SUN1: variants seen among roughly 807,000 people sequenced by gnomAD.
SUN1 encodes Sad1 and UNC84 domain containing 1, also known as SUN domain-containing protein 1.
Under a neutral mutation model 103.2 loss-of-function variants are expected in SUN1, and 61 were observed. The ratio of observed to expected loss-of-function variants is 0.59; its 90% CI spans 0.48 to 0.73. SUN1 has a LOEUF of 0.73. Among genes scored for constraint, SUN1 ranks in the 30% least tolerant of loss-of-function variants. The probability of loss-of-function intolerance (pLI) is 0.00; values close to 1 mark genes in which losing one functional copy is unlikely to be tolerated. For synonymous variants in SUN1, 490 were observed against 425.7 expected (o/e 1.15, Z -1.86); for missense variants, 1,052 against 1,034.6 (o/e 1.02, Z -0.23).
chr7:832,148 G>A (rs1584234749), upstream of SUN1: 3 of 939,014 alleles, frequency 3.2e-6, no homozygotes, highest in Non-Finnish European at 2.6e-6. Flanking sequence ...TCAGAAGACC[G>A]AGAACATTTT....
intron 14 of SUN1, among the ~76,000 whole-genome samples, chr7:860,826 T>C (rs1831614841): frequency 6.6e-6 from 1 of 152,158 alleles, no homozygotes; most frequent in African/African-American, 2.4e-5. Flanking sequence ...AGTCGTGTCT[T>C]ATATGGCAGC....
intron 5 of SUN1, among the ~76,000 whole-genome samples, chr7:845,014 A>T (rs2128315824): frequency 6.6e-6 from 1 of 152,352 alleles, no homozygotes; most frequent in South Asian, 2.1e-4. Flanking sequence ...TGCCATTGAT[A>T]GGTTGAACAT....
chr7:859,163 A>G (rs1003436255), intron 13 of SUN1, among the ~76,000 whole-genome samples: 11 of 152,000 alleles, frequency 7.2e-5, no homozygotes, highest in African/African-American at 2.4e-4. Flanking sequence ...AAAAAAAAAA[A>G]AAAAAGAAAA....
At chr7:860,720 G>GT (rs1831503609) in intron 14 of SUN1, among the ~76,000 whole-genome samples, 1 of 152,214 alleles carries the variant, frequency 6.6e-6, no homozygotes, top group African/African-American at 2.4e-5. Context: ...GTATTAGTCT[G>GT]TTCTCATGCT....
upstream of SUN1, chr7:832,423 G>A: frequency 8.6e-7 from 1 of 1,167,396 alleles, no homozygotes; most frequent in Non-Finnish European, 1.3e-6. Context: ...TTGCGTGTAG[G>A]CAGCTCAGGT....
At position 853,447 on chromosome 7, in the gene SUN1, C is replaced by T. The variant is rs777887455; in HGVS notation, c.1092C>T (p.Gly364=). The change falls in exon 10 of 19, where the codon GGC becomes GGT. Residue 364 remains glycine (G), a synonymous_variant. Transcript: ENST00000401592. The part of the protein sequence containing the change: ...SEAFPWHWMS[G]VEQQVASLSG... ...CTTTTCCGTGGCATTGGATGAGTGG[C>T]GTGGAGCAGCAGGTGGCCTCTCTGT... 12 of 1,613,842 alleles carry T rather than the reference C, an allele frequency of 7.4e-6. No individual in the cohort carries two copies. The East Asian group carries it at 1.3e-4, about 18-fold the overall frequency.
intron 5 of SUN1, 91 bp downstream of exon 5, chr7:843,611 C>T (rs755736380): frequency 6.2e-7 from 1 of 1,607,548 alleles, no homozygotes; most frequent in Admixed American, 1.7e-5. Context: ...CACTATTTGT[C>T]TTGGAGACTT....
intron 1 of SUN1, among the ~76,000 whole-genome samples, chr7:827,230 C>T (rs1453032334): frequency 6.6e-6 from 1 of 151,816 alleles, no homozygotes; most frequent in Non-Finnish European, 1.5e-5. Flanking sequence ...CCATATTGGC[C>T]AGGCTGGTCT....
chr7:853,466 T>C lies in SUN1; in HGVS notation c.1111T>C (p.Ser371Pro). 1.2e-6 allele frequency: 2 copies of C among 1,614,042 alleles called. No individual in the cohort carries two copies. The highest frequency in any genetic ancestry group is 1.7e-6 in the Non-Finnish European group (2 of 1,180,036). ...GAGTGGCGTGGAGCAGCAGGTGGCC[T>C]CTCTGTCTGGACAGTGCCACCACCA... ...WMSGVEQQVA[S>P]LSGQCHHHGE... Residue 371 changes from serine (S) to proline (P), a missense_variant, in exon 10 of 19, where the codon TCT becomes CCT. Transcript: ENST00000401592.
chr7:858,523 C>T (rs1009082400), intron 13 of SUN1, among the ~76,000 whole-genome samples: 7 of 152,334 alleles, frequency 4.6e-5, no homozygotes, highest in South Asian at 4.1e-4. Flanking sequence ...CCTTGGTATG[C>T]GTCCTTGGTG....
intron 1 of SUN1, among the ~76,000 whole-genome samples, chr7:821,564 T>A (rs550145427): frequency 6.6e-6 from 1 of 152,332 alleles, no homozygotes; most frequent in East Asian, 1.9e-4. Flanking sequence ...GGTCTCCTAG[T>A]CTGCTTTATA....
Position 861,293 on chromosome 7 carries a change from GTGTC to G in SUN1, c.1780-84_1780-81del, listed in dbSNP as rs528303398. 2.4e-4 allele frequency: 318 copies of G among 1,303,034 alleles called. No individual in the cohort carries two copies. In the Middle Eastern group the frequency reaches 6.9e-3, roughly 28 times the overall value. 80.7% of individuals were successfully genotyped at this position (1,303,034 alleles called of 1,614,324 possible). A position where few individuals can be genotyped will look rare whatever the true frequency, so the allele number is the denominator to read the frequency against. On this transcript the variant is annotated intron_variant, in intron 14 of 18. Coordinates refer to ENST00000401592, the MANE Select transcript of SUN1 (RefSeq NM_001130965.3). Reference sequence around the variant, plus strand: ...CCGTTGAGAAGATGCTCTAATGTAAGTGTCTGGTCCTCATCCATGGCACTAAAAC... The same window carrying G: ...CCGTTGAGAAGATGCTCTAATGTAAGTGGTCCTCATCCATGGCACTAAAAC...
intron 5 of SUN1, among the ~76,000 whole-genome samples, chr7:844,238 C>T (rs1010865995): frequency 6.6e-6 from 1 of 152,210 alleles, no homozygotes; most frequent in African/African-American, 2.4e-5. Context: ...CTGCCTGGCC[C>T]AGGATCTCTC....
chr7:858,100 G>C (rs540512140), intron 13 of SUN1, 143 bp downstream of exon 13: 1 of 1,055,794 alleles, frequency 9.5e-7, no homozygotes, highest in African/African-American at 1.6e-5. Flanking sequence ...ACGCAGGCTA[G>C]ACTGCAGTGG....
intron 1 of SUN1, among the ~76,000 whole-genome samples, chr7:818,330 G>A (rs574951403): frequency 4.6e-5 from 7 of 152,308 alleles, no homozygotes; most frequent in African/African-American, 1.2e-4. Flanking sequence ...TTAAGATAAT[G>A]TCTTCAGAGT....
At chr7:823,894 G>T (rs1788807638) in intron 1 of SUN1, among the ~76,000 whole-genome samples, 1 of 152,184 alleles carries the variant, frequency 6.6e-6, no homozygotes, top group Non-Finnish European at 1.5e-5. Flanking sequence ...TGCCCAACAG[G>T]AAATAAAACG....
At chr7:858,642 A>G (rs1829700489) in intron 13 of SUN1, among the ~76,000 whole-genome samples, 1 of 151,864 alleles carries the variant, frequency 6.6e-6, no homozygotes, top group African/African-American at 2.4e-5. Flanking sequence ...GTGTCGAAAC[A>G]TATCATAGAC....
chr7:868,374 G>T, intron 16 of SUN1: 2 of 256,822 alleles, frequency 7.8e-6, no homozygotes, highest in Non-Finnish European at 1.5e-5. Flanking sequence ...AGATGTGTGC[G>T]CAGCAGGCCG....
At chr7:825,821 T>C (rs1364359409) in intron 1 of SUN1, among the ~76,000 whole-genome samples, 1 of 152,212 alleles carries the variant, frequency 6.6e-6, no homozygotes, top group Non-Finnish European at 1.5e-5. Flanking sequence ...AAATAATGTT[T>C]TTATTAGTCT....
Sources: allele counts gnomAD v4.1 joint callset (sites outside exome capture counted in the v4.1 genomes callset), GRCh38; gene constraint gnomAD v4.1.1; transcripts MANE v1.5; gene names NCBI Gene and HGNC (gene_info 2026-07-23, HGNC 2026-07-21).